Variants in DAPK1 observed in about 807,000 individuals in gnomAD.
DAPK1 encodes the protein death-associated protein kinase 1.
A neutral mutation model predicts 144.9 loss-of-function variants in DAPK1; 56 were observed. The ratio of observed to expected loss-of-function variants is 0.39; its 90% CI spans 0.31 to 0.48. The LOEUF (loss-of-function observed/expected upper bound fraction) is 0.48, where lower values mean the gene tolerates loss of function less well. DAPK1 is among the 20% of genes least tolerant of loss of function. The probability of loss-of-function intolerance (pLI) is 0.95; values close to 1 mark genes in which losing one functional copy is unlikely to be tolerated. For synonymous variants in DAPK1, 690 were observed against 749.0 expected (o/e 0.92, Z 1.29); for missense variants, 1,454 against 1,875.4 (o/e 0.78, Z 4.15).
At chr9:87,639,547 G>A in intron 5 of DAPK1, 64 bp downstream of exon 5, 1 of 1,610,360 alleles carries the variant, frequency 6.2e-7, no homozygotes, top group South Asian at 1.1e-5. Flanking sequence ...AACCTCCCCT[G>A]CTAGAAGATT....
intron 19 of DAPK1, among the ~76,000 whole-genome samples, chr9:87,669,525 T>A (rs570464427): frequency 1.6e-4 from 23 of 147,300 alleles, no homozygotes; most frequent in Admixed American, 4.1e-4. Context: ...GTATTTTTTT[T>A]AAAATGTTAT....
rs1052996370 is a variant in DAPK1 at position 87,648,623 on chromosome 9, C to T, written c.1330-158C>T. 6 of 620,238 alleles carry T rather than the reference C, an allele frequency of 9.7e-6. No homozygotes were observed. In the Admixed American group the frequency reaches 1.4e-4, roughly 15 times the overall value. The allele number at this position is 620,238 out of a possible 1,614,324, so 38.4% of individuals were successfully genotyped here. On this transcript the variant is annotated intron_variant, in intron 14 of 25. Coordinates refer to ENST00000408954, the MANE Select transcript of DAPK1 (RefSeq NM_004938.4). ...TGGTGGACACCCCAACCTCAGGTCC[C>T]CATCCTAGCCACTATAGGGGCATCT...
At chr9:87,603,685 A>C (rs927194403) in intron 2 of DAPK1, among the ~76,000 whole-genome samples, 1 of 152,200 alleles carries the variant, frequency 6.6e-6, no homozygotes, top group African/African-American at 2.4e-5. Context: ...AGCAGGTACC[A>C]AGAAACATAC....
At chr9:87,683,486 C>G (rs1824718976) in intron 20 of DAPK1, among the ~76,000 whole-genome samples, 1 of 152,068 alleles carries the variant, frequency 6.6e-6, no homozygotes. Context: ...CAGCCTGAAC[C>G]TCTGTGGTTA....
intron 3 of DAPK1, among the ~76,000 whole-genome samples, chr9:87,634,923 T>A (rs1433079004): frequency 1.3e-5 from 2 of 152,084 alleles, no homozygotes; most frequent in South Asian, 2.1e-4. Flanking sequence ...TGAAGCCACA[T>A]GGGAAGAAAG....
At chr9:87,506,083 C>A (rs982387249) in intron 2 of DAPK1, among the ~76,000 whole-genome samples, 5 of 152,220 alleles carry the variant, frequency 3.3e-5, no homozygotes, top group African/African-American at 1.2e-4. Context: ...TGGCTTTCTC[C>A]AGGCAGCTGA....
intron 2 of DAPK1, among the ~76,000 whole-genome samples, chr9:87,520,188 GA>G (rs1825243613): frequency 1.3e-5 from 2 of 152,310 alleles, no homozygotes; most frequent in South Asian, 4.1e-4. Context: ...TCTATAGGAA[GA>G]GCTTGGAGTT....
At chr9:87,519,653 CAG>C (rs1211715601) in intron 2 of DAPK1, among the ~76,000 whole-genome samples, 1 of 152,132 alleles carries the variant, frequency 6.6e-6, no homozygotes, top group Non-Finnish European at 1.5e-5. Flanking sequence ...GTCTGGGACA[CAG>C]GGATGGCAGC....
chr9:87,694,466 C>A (rs1382236220), intron 21 of DAPK1, among the ~76,000 whole-genome samples: 2 of 152,136 alleles, frequency 1.3e-5, no homozygotes, highest in Non-Finnish European at 2.9e-5. Context: ...CAGCCTCTGG[C>A]AAAATGCTTG....
At chr9:87,636,234 T>G (rs1829889802) in intron 3 of DAPK1, among the ~76,000 whole-genome samples, 1 of 152,092 alleles carries the variant, frequency 6.6e-6, no homozygotes, top group Admixed American at 6.5e-5. Flanking sequence ...ACCTTTCGCT[T>G]GGACTCCTGG....
intron 3 of DAPK1, among the ~76,000 whole-genome samples, chr9:87,614,342 T>A (rs994114637): frequency 2.0e-5 from 3 of 152,212 alleles, no homozygotes; most frequent in African/African-American, 7.2e-5. Context: ...ATGTTCTCCA[T>A]GCTGAATACA....
intron 17 of DAPK1, among the ~76,000 whole-genome samples, chr9:87,657,239 G>A (rs190066453): frequency 1.3e-5 from 2 of 152,108 alleles, no homozygotes; most frequent in East Asian, 1.9e-4. Flanking sequence ...ACACATAAAC[G>A]GAAAGAAAAC....
At chr9:87,541,453 G>C (rs1166288535) in intron 2 of DAPK1, among the ~76,000 whole-genome samples, 1 of 151,856 alleles carries the variant, frequency 6.6e-6, no homozygotes, top group Non-Finnish European at 1.5e-5. Flanking sequence ...GTAGGCTGAG[G>C]CATGAGAATT....
chr9:87,592,287 T>TA (rs1266555679), intron 2 of DAPK1, among the ~76,000 whole-genome samples: 1 of 152,202 alleles, frequency 6.6e-6, no homozygotes, highest in Non-Finnish European at 1.5e-5. Context: ...GCATGGGCTG[T>TA]AGGAGAGGTC....
intron 2 of DAPK1, chr9:87,506,996 A>G (rs1332695813): frequency 6.6e-6 from 1 of 152,264 alleles, no homozygotes; most frequent in Non-Finnish European, 1.5e-5. Flanking sequence ...TAAAAAATCT[A>G]AAACCTAAAA....
intron 2 of DAPK1, among the ~76,000 whole-genome samples, chr9:87,570,681 T>C (rs1827297686): frequency 6.6e-6 from 1 of 152,186 alleles, no homozygotes; most frequent in Non-Finnish European, 1.5e-5. Context: ...GAATTCTTTA[T>C]AGGAAGGAGT....
chr9:87,660,325 G>A (rs1830797706), intron 18 of DAPK1, among the ~76,000 whole-genome samples: 1 of 152,032 alleles, frequency 6.6e-6, no homozygotes, highest in Admixed American at 6.5e-5. Context: ...GGCATTACTG[G>A]GGGCGTCGCC....
chr9:87,525,611 C>A, intron 2 of DAPK1: 1 of 661,298 alleles, frequency 1.5e-6, no homozygotes. Flanking sequence ...ATGTCAGTTT[C>A]CAAAAAGAAC....
intron 2 of DAPK1, among the ~76,000 whole-genome samples, chr9:87,524,457 G>A (rs192583893): frequency 9.2e-5 from 14 of 152,310 alleles, no homozygotes; most frequent in East Asian, 7.7e-4. Context: ...GGAAGCACAC[G>A]CTTGAGCCCT....
Sources: allele counts gnomAD v4.1 joint callset (sites outside exome capture counted in the v4.1 genomes callset), GRCh38; gene constraint gnomAD v4.1.1; transcripts MANE v1.5; gene names NCBI Gene and HGNC (gene_info 2026-07-23, HGNC 2026-07-21).